Variants in ZNF106 observed in about 807,000 individuals in gnomAD.
ZNF106 encodes the protein zinc finger protein 106.
A neutral mutation model predicts 195.1 loss-of-function variants in ZNF106; 67 were observed. The observed-to-expected ratio is 0.34, with a 90% CI of 0.28 to 0.42. The LOEUF (loss-of-function observed/expected upper bound fraction) is 0.42. Among genes scored for constraint, ZNF106 ranks in the 10% least tolerant of loss-of-function variants. ZNF106 has a pLI of 1.00. For synonymous variants in ZNF106, 784 were observed against 818.6 expected, an observed-to-expected ratio of 0.96 and a Z score of 0.72; for missense variants, 2,118 against 2,304.5, an observed-to-expected ratio of 0.92 and a Z score of 1.66.
At chr15:42,422,420 T>TA in intron 18 of ZNF106, 81 bp downstream of exon 18, 1 of 1,526,470 alleles carries the variant, frequency 6.6e-7, no homozygotes, top group Non-Finnish European at 8.8e-7. Flanking sequence ...CATCCCACCT[T>TA]ACTGTATCAA....
chr15:42,432,817 C>T (rs1049816434), intron 14 of ZNF106, among the ~76,000 whole-genome samples: 31 of 151,924 alleles, frequency 2.0e-4, no homozygotes, highest in African/African-American at 7.2e-4. Flanking sequence ...CCCAGGAGTT[C>T]GAGGCTGCAA....
intron 3 of ZNF106, among the ~76,000 whole-genome samples, chr15:42,458,398 A>G (rs1431073193): frequency 1.3e-5 from 2 of 149,442 alleles, no homozygotes; most frequent in Non-Finnish European, 3.0e-5. Context: ...TCACCTGAAT[A>G]TTCATTCAAG....
chr15:42,431,589 T>C (rs373566373), intron 14 of ZNF106, among the ~76,000 whole-genome samples: 2 of 152,070 alleles, frequency 1.3e-5, no homozygotes, highest in South Asian at 2.1e-4. Context: ...TTTGTTTATT[T>C]ATTTTTTGAG....
chr15:42,421,149 T>A lies in ZNF106; in HGVS notation c.5446-17A>T. On this transcript the variant is annotated splice_polypyrimidine_tract_variant and intron_variant, in intron 19 of 21. Coordinates refer to ENST00000564754, the MANE Select transcript of ZNF106 (RefSeq NM_001366845.3). The stretch of plus-strand genomic sequence containing the variant: ...AGTGTAAATCTGGAGAAAGAGAGGT[T>A]TATAATATCAGACCAAAATACATAC... 1.2e-6 allele frequency: 2 copies of A among 1,613,202 alleles called. No individual in the cohort carries two copies. The highest frequency in any genetic ancestry group is 1.7e-6 in the Non-Finnish European group (2 of 1,179,408).
In ZNF106 at chr15:42,490,971, G is replaced by C. The variant is rs2057151222; in HGVS notation, c.-33+9C>G. The C allele has an allele frequency of 6.6e-6, 1 of 152,366 alleles. No homozygotes were observed. The highest frequency in any genetic ancestry group is 1.5e-5 in the Non-Finnish European group (1 of 68,216). 9.4% of individuals were successfully genotyped at this position (152,366 alleles called of 1,614,324 possible). A position where few individuals can be genotyped will look rare whatever the true frequency, so the allele number is the denominator to read the frequency against. On this transcript the variant is annotated intron_variant, in intron 1 of 21. Transcript: ENST00000564754. ...TACGCTCAACGCAGGCCGGCCCGTC[G>C]ATACTCACATTCACAGCCAACCCCT...
intron 12 of ZNF106, 118 bp from the exon 13 acceptor site, chr15:42,437,495 A>T: frequency 8.4e-7 from 1 of 1,191,352 alleles, no homozygotes; most frequent in Non-Finnish European, 1.2e-6. Context: ...AGATCCCTTA[A>T]ATCTTAGTTC....
At chr15:42,462,025 A>G (rs892465323) in intron 3 of ZNF106, among the ~76,000 whole-genome samples, 1 of 152,164 alleles carries the variant, frequency 6.6e-6, no homozygotes, top group African/African-American at 2.4e-5. Flanking sequence ...CAGGTCAGGA[A>G]CACTATATCC....
At chr15:42,447,955 T>C (rs370513722) in intron 6 of ZNF106, 117 bp downstream of exon 6, 3 of 1,211,328 alleles carry the variant, frequency 2.5e-6, no homozygotes, top group South Asian at 3.0e-5. Context: ...ACAATTCTTC[T>C]AGAAGTTGAG....
At chr15:42,452,076 G>T in intron 4 of ZNF106, 122 bp from the exon 5 acceptor site, 1 of 1,047,988 alleles carries the variant, frequency 9.5e-7, no homozygotes. Context: ...AACCGAGTCT[G>T]GTTTTATATC....
chr15:42,467,407 CA>C (rs1266417851), intron 2 of ZNF106, among the ~76,000 whole-genome samples: 2 of 152,170 alleles, frequency 1.3e-5, no homozygotes, highest in East Asian at 3.8e-4. Context: ...CTGAAGAATG[CA>C]GAGAAGTTAC....
chr15:42,489,093 AACACACACAC>A (rs368303436), intron 1 of ZNF106, among the ~76,000 whole-genome samples: 7 of 142,474 alleles, frequency 4.9e-5, no homozygotes, highest in South Asian at 2.3e-4. Flanking sequence ...AAAAAAAAAC[AACACACACAC>A]ACACACACAC....
At chr15:42,479,072 C>T (rs1192421421) in intron 1 of ZNF106, among the ~76,000 whole-genome samples, 1 of 152,128 alleles carries the variant, frequency 6.6e-6, no homozygotes, top group African/African-American at 2.4e-5. Flanking sequence ...ATCTTGGTTT[C>T]TAATTTAATC....
intron 3 of ZNF106, among the ~76,000 whole-genome samples, chr15:42,458,183 T>G (rs147513931): frequency 0.013 from 1,942 of 152,138 alleles, 16 homozygotes; most frequent in African/African-American, 0.029. Context: ...ATTTTTGCAC[T>G]TCCTATGCCA....
chr15:42,450,104 T>C lies in ZNF106; in HGVS notation c.2168A>G (p.Asp723Gly), dbSNP rs765068869. 3 of 1,614,220 alleles carry C rather than the reference T, an allele frequency of 1.9e-6. No homozygotes were observed. The South Asian group carries it at 3.3e-5, about 18-fold the overall frequency. ...GATGTCACTTTTTTGAAGCTCTGCA[T>C]CCAAGCTAGCACTCTCAAAGCCTTC... ...ETEGFESASL[D>G]AELQKSDISQ... is the part of the protein sequence containing the mutation. The change falls in exon 5 of 22, where the codon GAT (aspartate) becomes GGT (glycine). Residue 723 changes from aspartate to glycine, a missense_variant. Transcript: ENST00000564754.
intron 1 of ZNF106, among the ~76,000 whole-genome samples, chr15:42,473,176 C>G (rs973491007): frequency 1.3e-5 from 2 of 151,978 alleles, no homozygotes; most frequent in Non-Finnish European, 2.9e-5. Flanking sequence ...TGGAATGTTC[C>G]GATTTGGGAT....
chr15:42,488,658 A>T (rs901228389), intron 1 of ZNF106, among the ~76,000 whole-genome samples: 2 of 152,242 alleles, frequency 1.3e-5, no homozygotes, highest in African/African-American at 4.8e-5. Flanking sequence ...CCCAGAACCA[A>T]GTCGTCTAGC....
chr15:42,469,991 T>G (rs958319481), intron 2 of ZNF106, among the ~76,000 whole-genome samples: 10 of 152,154 alleles, frequency 6.6e-5, no homozygotes, highest in Admixed American at 5.2e-4. Context: ...TTAATCAGTA[T>G]TATATTTTTA....
intron 2 of ZNF106, among the ~76,000 whole-genome samples, chr15:42,470,036 T>C (rs1203107270): frequency 6.6e-6 from 1 of 152,070 alleles, no homozygotes; most frequent in East Asian, 1.9e-4. Flanking sequence ...GGGGGACTCA[T>C]GGTTAAACAC....
chr15:42,421,868 T>TG, intron 19 of ZNF106, 49 bp downstream of exon 19: 6 of 1,465,364 alleles, frequency 4.1e-6, no homozygotes, highest in Non-Finnish European at 5.5e-6. Flanking sequence ...AAGAATTTTT[T>TG]AGCAAACACA....
Sources: gnomAD v4.1 joint callset for allele counts (sites outside exome capture counted in the v4.1 genomes callset) on GRCh38, gnomAD v4.1.1 for gene constraint, MANE v1.5 for transcripts, NCBI Gene and HGNC (gene_info 2026-07-23, HGNC 2026-07-21) for gene names.